Variants in GPRIN3 observed in about 807,000 individuals in gnomAD.
GPRIN3 encodes the protein GPRIN family member 3.
A neutral mutation model predicts 13.7 loss-of-function variants in GPRIN3; 12 were observed. The ratio of observed to expected loss-of-function variants is 0.87; its 90% confidence interval spans 0.56 to 1.42. GPRIN3 has a LOEUF of 1.42. GPRIN3 is among the 40% of genes most tolerant of loss of function. GPRIN3 has a pLI of 0.00. For missense variants in GPRIN3, 1,009 were observed against 958.7 expected (o/e 1.05, Z -0.69); for synonymous variants, 377 against 372.7 (o/e 1.01, Z -0.13).
intron 1 of GPRIN3, among the ~76,000 whole-genome samples, chr4:89,305,559 T>C (rs370868006): frequency 4.1e-4 from 63 of 152,348 alleles, no homozygotes; most frequent in East Asian, 1.9e-3. Flanking sequence ...ATAAGAGCTG[T>C]GGCTAGAATC....
intron 1 of GPRIN3, among the ~76,000 whole-genome samples, chr4:89,300,776 G>A (rs996059403): frequency 6.6e-6 from 1 of 152,076 alleles, no homozygotes; most frequent in African/African-American, 2.4e-5. Flanking sequence ...GAACATGTTC[G>A]ACATGAAAAC....
chr4:89,248,207 G>C lies in GPRIN3; in HGVS notation c.1904C>G (p.Pro635Arg). The C allele has an allele frequency of 6.2e-7, 1 of 1,614,150 alleles. No individual in the cohort carries two copies. The change falls in exon 2 of 2, where the codon CCC (proline) becomes CGC (arginine). Residue 635 changes from proline (P) to arginine (R), a missense_variant. Pro to Arg is a moderately radical substitution (Grantham distance 103). Coordinates refer to ENST00000609438, the MANE Select transcript of GPRIN3 (RefSeq NM_198281.3). ...SRSVKASPRR[P>R]SRVSEFLKEQ... ...CTTGAGGAACTCGCTGACGCGGCTG[G>C]GCCTGCGTGGGCTGGCTTTGACGGA...
Position 89,247,632 on chromosome 4 carries a change from G to A in GPRIN3, c.*148C>T. On this transcript the variant is annotated 3_prime_UTR_variant, in exon 2 of 2. Transcript: ENST00000609438. ...TTTGTTTATAGAGCTCCAGGTCAAA[G>A]GATCTAACAATTTTTAATAGCAATT... The A allele has an allele frequency of 2.9e-6, 2 of 680,872 alleles. No individual in the cohort carries two copies. Among genetic ancestry groups the A allele is most frequent in the Non-Finnish European group, 4.7e-6 (2 of 423,648 alleles). 42.2% of individuals were successfully genotyped at this position (680,872 alleles called of 1,614,324 possible).
intron 1 of GPRIN3, among the ~76,000 whole-genome samples, chr4:89,303,332 T>G (rs1232645993): frequency 6.6e-6 from 1 of 152,214 alleles, no homozygotes; most frequent in Non-Finnish European, 1.5e-5. Flanking sequence ...TGCCAACGAC[T>G]GTAGTTGCAT....
chr4:89,288,825 A>C (rs1385250621), intron 1 of GPRIN3, among the ~76,000 whole-genome samples: 2 of 152,218 alleles, frequency 1.3e-5, no homozygotes, highest in Admixed American at 1.3e-4. Context: ...CAGTACGAAT[A>C]ATAGCTCCTC....
intron 1 of GPRIN3, among the ~76,000 whole-genome samples, chr4:89,303,312 C>T (rs539808669): frequency 2.0e-5 from 3 of 152,298 alleles, no homozygotes; most frequent in Admixed American, 1.3e-4. Context: ...ATGACCACCT[C>T]GGCCTTCTGT....
intron 1 of GPRIN3, among the ~76,000 whole-genome samples, chr4:89,300,398 T>C (rs1724863415): frequency 6.6e-6 from 1 of 152,148 alleles, no homozygotes; most frequent in Non-Finnish European, 1.5e-5. Flanking sequence ...AGCATATATA[T>C]TGCTGTTCAG....
rs1189639529 is a variant in GPRIN3 at position 89,239,538 on chromosome 4, G to A, written c.*8242C>T. 6.6e-6 allele frequency: 1 copy of A among 152,140 alleles called. No homozygotes were observed. The highest frequency in any genetic ancestry group is 2.4e-5 in the African/African-American group (1 of 41,418). The allele number at this position is 152,140 out of a possible 1,614,324, so 9.4% of individuals were successfully genotyped here. A position where few individuals can be genotyped will look rare whatever the true frequency, so the allele number is the denominator to read the frequency against. On this transcript the variant is annotated 3_prime_UTR_variant, in exon 2 of 2. Transcript: ENST00000609438. Reference sequence around the variant, plus strand: ...TATTTTTATTTAATATACAACGATGGCACATTCGTTCTCTAAAACATGAAT... The same window carrying A: ...TATTTTTATTTAATATACAACGATGACACATTCGTTCTCTAAAACATGAAT...
Position 89,237,067 on chromosome 4 carries a change from G to C in GPRIN3, c.*10713C>G, listed in dbSNP as rs1293790241. Reference sequence around the variant, plus strand: ...GTCAAGGCTCTTTTGCAGTTTGATTGAGAGACGTCAAGCGGGACTAAAAAA... The same window carrying C: ...GTCAAGGCTCTTTTGCAGTTTGATTCAGAGACGTCAAGCGGGACTAAAAAA... On this transcript the variant is annotated 3_prime_UTR_variant, in exon 2 of 2. Transcript: ENST00000609438. 6.6e-6 allele frequency: 1 copy of C among 151,998 alleles called. No homozygotes were observed. Among genetic ancestry groups the C allele is most frequent in the Non-Finnish European group, 1.5e-5 (1 of 67,990 alleles). 9.4% of individuals were successfully genotyped at this position (151,998 alleles called of 1,614,324 possible). A position where few individuals can be genotyped will look rare whatever the true frequency, so the allele number is the denominator to read the frequency against.
intron 1 of GPRIN3, among the ~76,000 whole-genome samples, chr4:89,276,250 CT>C (rs1724089972): frequency 6.6e-6 from 1 of 152,026 alleles, no homozygotes; most frequent in African/African-American, 2.4e-5. Context: ...ATTTTTACTT[CT>C]CTTCTTATTT....
Position 89,304,883 on chromosome 4 carries a change from A to G in GPRIN3, c.-124+2732T>C, listed in dbSNP as rs181064173. ...CTCTTATTTTTCTAATATGCAAAGT[A>G]GGTGGTAGACATTTGTAGATGAAAT... On this transcript the variant is annotated intron_variant, in intron 1 of 1. Transcript: ENST00000609438. Among the ~76,000 whole-genome samples the G allele has an allele frequency of 2.2e-3, 338 of 152,358 alleles. 7 individuals are homozygous for G. The highest frequency in any genetic ancestry group is 0.02 in the Admixed American group (303 of 15,300).
chr4:89,269,311 C>A (rs1341821985), intron 1 of GPRIN3, among the ~76,000 whole-genome samples: 2 of 152,046 alleles, frequency 1.3e-5, no homozygotes, highest in Non-Finnish European at 2.9e-5. Context: ...GCAGGCTAGC[C>A]TGCTGAATGT....
In GPRIN3 at chr4:89,248,204, C is replaced by T. The variant is rs780922575; in HGVS notation, c.1907G>A (p.Ser636Asn). 4 of 1,614,210 alleles carry T rather than the reference C, an allele frequency of 2.5e-6. No individual in the cohort carries two copies. Among genetic ancestry groups the T allele is most frequent in the Non-Finnish European group, 3.4e-6 (4 of 1,180,032 alleles). Residue 636 changes from serine (S) to asparagine (N), a missense_variant, in exon 2 of 2, where the codon AGC (serine) becomes AAC (asparagine). Coordinates refer to ENST00000609438, the MANE Select transcript of GPRIN3 (RefSeq NM_198281.3). ...RSVKASPRRPSRVSEFLKEQK... is the reference protein window; with the variant it reads ...RSVKASPRRPNRVSEFLKEQK... Reference sequence around the variant, plus strand: ...CTCCTTGAGGAACTCGCTGACGCGGCTGGGCCTGCGTGGGCTGGCTTTGAC... The same window carrying T: ...CTCCTTGAGGAACTCGCTGACGCGGTTGGGCCTGCGTGGGCTGGCTTTGAC...
intron 1 of GPRIN3, among the ~76,000 whole-genome samples, chr4:89,290,688 C>A (rs111529137): frequency 1.3e-5 from 2 of 152,162 alleles, no homozygotes; most frequent in Non-Finnish European, 2.9e-5. Flanking sequence ...ATCTCTCATG[C>A]TATAAGCTCC....
At position 89,244,551 on chromosome 4, in the gene GPRIN3, T is replaced by C. The variant is rs1723035917; in HGVS notation, c.*3229A>G. On this transcript the variant is annotated 3_prime_UTR_variant, in exon 2 of 2. Coordinates refer to ENST00000609438, the MANE Select transcript of GPRIN3 (RefSeq NM_198281.3). Reference sequence around the variant, plus strand: ...CCCAAAGCACAAAGGTTAATCAATATTTTACTCTATGTAAAGTAGTTGGTC... The same window carrying C: ...CCCAAAGCACAAAGGTTAATCAATACTTTACTCTATGTAAAGTAGTTGGTC... 1.3e-5 allele frequency: 2 copies of C among 152,180 alleles called. No homozygotes were observed. The highest frequency in any genetic ancestry group is 2.4e-5 in the African/African-American group (1 of 41,452). The allele number at this position is 152,180 out of a possible 1,614,324, so 9.4% of individuals were successfully genotyped here.
In GPRIN3 at chr4:89,237,019, C is replaced by A. The variant is rs1038750640; in HGVS notation, c.*10761G>T. ...AATAATCTTTGGCAATGACATTCTG[C>A]TTATTATTATTTTTAATGGCAGGTC... On this transcript the variant is annotated 3_prime_UTR_variant, in exon 2 of 2. Coordinates refer to ENST00000609438, the MANE Select transcript of GPRIN3 (RefSeq NM_198281.3). 6.6e-6 allele frequency: 1 copy of A among 152,022 alleles called. No homozygotes were observed. The highest frequency in any genetic ancestry group is 1.5e-5 in the Non-Finnish European group (1 of 68,022). The allele number at this position is 152,022 out of a possible 1,614,324, so 9.4% of individuals were successfully genotyped here.
intron 1 of GPRIN3, among the ~76,000 whole-genome samples, chr4:89,259,255 C>CTCT (rs1454134479): frequency 6.6e-6 from 1 of 152,166 alleles, no homozygotes; most frequent in Non-Finnish European, 1.5e-5. Flanking sequence ...AAAACTTGAA[C>CTCT]TCTTCTCCAG....
At chr4:89,306,270 A>G (rs1278801601) in intron 1 of GPRIN3, among the ~76,000 whole-genome samples, 1 of 152,198 alleles carries the variant, frequency 6.6e-6, no homozygotes, top group Non-Finnish European at 1.5e-5. Context: ...AATGGTGAGC[A>G]CAATGGGAAA....
chr4:89,286,106 T>C (rs561517752), intron 1 of GPRIN3, among the ~76,000 whole-genome samples: 3 of 151,296 alleles, frequency 2.0e-5, no homozygotes, highest in African/African-American at 7.3e-5. Context: ...TATATATATA[T>C]ATATATATGT....
Sources: allele counts gnomAD v4.1 joint callset (sites outside exome capture counted in the v4.1 genomes callset), GRCh38; gene constraint gnomAD v4.1.1; transcripts MANE v1.5; gene names NCBI Gene and HGNC (gene_info 2026-07-23, HGNC 2026-07-21).